AP4B1: variants seen among roughly 807,000 people sequenced by gnomAD.
The protein encoded by AP4B1 is adaptor related protein complex 4 subunit beta 1.
AP4B1 carries 49 observed loss-of-function variants against 76.5 expected under a neutral mutation model. The observed-to-expected ratio is 0.64, with a 90% CI of 0.51 to 0.81. The LOEUF (loss-of-function observed/expected upper bound fraction) is 0.81, where lower values mean the gene tolerates loss of function less well. Among genes scored for constraint, AP4B1 ranks in the 40% least tolerant of loss-of-function variants. AP4B1 has a pLI of 0.00. For synonymous variants in AP4B1, 330 were observed against 333.3 expected, an observed-to-expected ratio of 0.99 and a Z score of 0.11; for missense variants, 911 against 904.9, an observed-to-expected ratio of 1.01 and a Z score of -0.09.
Position 113,901,738 on chromosome 1 carries a change from G to T in AP4B1, c.469+17C>A. 1 of 1,614,072 alleles carries T rather than the reference G, an allele frequency of 6.2e-7. No individual in the cohort carries two copies. The highest frequency in any genetic ancestry group is 8.5e-7 in the Non-Finnish European group (1 of 1,179,998). The stretch of plus-strand genomic sequence containing the variant: ...TAATGGAGGCACATTGACCATGATG[G>T]ATTACACTGAACTTACCTACTTCAG... On this transcript the variant is annotated intron_variant, in intron 3 of 9. Transcript: ENST00000369569.
chr1:113,894,923 C>A lies in AP4B1; in HGVS notation c.*142G>T. The A allele has an allele frequency of 4.1e-6, 4 of 980,000 alleles. No individual in the cohort carries two copies. The South Asian group carries it at 5.2e-5, about 13-fold the overall frequency. 60.7% of individuals were successfully genotyped at this position (980,000 alleles called of 1,614,324 possible). A position where few individuals can be genotyped will look rare whatever the true frequency, so the allele number is the denominator to read the frequency against. On this transcript the variant is annotated 3_prime_UTR_variant, in exon 10 of 10. Coordinates refer to ENST00000369569, the MANE Select transcript of AP4B1 (RefSeq NM_001253852.3). ...AAGGAATGAATCAATGTTCTTTGGCCAAAAACTTAAGAATCCTGATTTCTA... is the reference window on the plus strand; with the variant it reads ...AAGGAATGAATCAATGTTCTTTGGCAAAAAACTTAAGAATCCTGATTTCTA...
chr1:113,896,041 G>A lies in AP4B1; in HGVS notation c.1511-3C>T, dbSNP rs1164034340. The A allele has an allele frequency of 6.2e-7, 1 of 1,614,168 alleles. No homozygotes were observed. ...TACAGCCATATCTTTTTCTTCCTCT[G>A]AGGTAAGACAACAGATTGACTTCAT... On this transcript the variant is annotated splice_polypyrimidine_tract_variant and splice_region_variant and intron_variant, in intron 8 of 9. Coordinates refer to ENST00000369569, the MANE Select transcript of AP4B1 (RefSeq NM_001253852.3).
intron 1 of AP4B1, 41 bp downstream of exon 1, chr1:113,904,564 G>A: frequency 6.3e-7 from 1 of 1,580,910 alleles, no homozygotes; most frequent in East Asian, 2.2e-5. Flanking sequence ...GATGGGGATT[G>A]CAAAGGGAGC....
chr1:113,904,331 T>G (rs976491758), intron 1 of AP4B1, among the ~76,000 whole-genome samples: 1 of 152,176 alleles, frequency 6.6e-6, no homozygotes, highest in African/African-American at 2.4e-5. Flanking sequence ...TACGTGGGTC[T>G]GAAGCTAAAA....
Position 113,894,940 on chromosome 1 carries a change from T to C in AP4B1, c.*125A>G. On this transcript the variant is annotated 3_prime_UTR_variant, in exon 10 of 10. Transcript: ENST00000369569. ...TCTTTGGCCAAAAACTTAAGAATCC[T>C]GATTTCTAGATTTTCCACTCTCCTT... 1 of 1,123,340 alleles carries C rather than the reference T, an allele frequency of 8.9e-7. No homozygotes were observed. The highest frequency in any genetic ancestry group is 1.2e-6 in the Non-Finnish European group (1 of 801,426). 69.6% of individuals were successfully genotyped at this position (1,123,340 alleles called of 1,614,324 possible).
chr1:113,896,533 A>G, intron 7 of AP4B1, 68 bp from the exon 8 acceptor site: 2 of 1,525,856 alleles, frequency 1.3e-6, no homozygotes, highest in Non-Finnish European at 1.8e-6. Flanking sequence ...GATAATAGAC[A>G]GCCACTGGTT....
chr1:113,898,300 G>A (rs1345612858), intron 6 of AP4B1, among the ~76,000 whole-genome samples: 2 of 152,098 alleles, frequency 1.3e-5, no homozygotes, highest in African/African-American at 4.8e-5. Flanking sequence ...AGGTGCCTAG[G>A]GTTCAAAATT....
At chr1:113,902,509 G>T in intron 2 of AP4B1, 129 bp downstream of exon 2, 1 of 929,788 alleles carries the variant, frequency 1.1e-6, no homozygotes, top group Non-Finnish European at 1.7e-6. Context: ...CTGAAAATCT[G>T]AGTTCAGGGT....
upstream of AP4B1, chr1:113,905,022 T>A (rs1293028079): frequency 2.4e-6 from 1 of 423,292 alleles, no homozygotes; most frequent in South Asian, 2.1e-5. Flanking sequence ...CAGCGCCGCG[T>A]CCGACTGACC....
At position 113,895,167 on chromosome 1, in the gene AP4B1, C is replaced by A. The variant is rs769502154; in HGVS notation, c.2118G>T (p.Met706Ile). Residue 706 changes from methionine to isoleucine, a missense_variant, in exon 10 of 10, where the codon ATG becomes ATT. By Grantham distance (10) the Met-to-Ile change is conservative (BLOSUM62 1). Transcript: ENST00000369569. ...ELLLEPGNSE[M>I]QISVKQNEAR... Reference sequence around the variant, plus strand: ...CTTCATTTTGTTTCACAGAGATCTGCATTTCTGAGTTTCCAGGCTCCAATA... The same window carrying A: ...CTTCATTTTGTTTCACAGAGATCTGAATTTCTGAGTTTCCAGGCTCCAATA... 1 of 1,614,226 alleles carries A rather than the reference C, an allele frequency of 6.2e-7. No individual in the cohort carries two copies. The highest frequency in any genetic ancestry group is 8.5e-7 in the Non-Finnish European group (1 of 1,180,048).
chr1:113,897,871 G>A lies in AP4B1; in HGVS notation c.1271C>T (p.Pro424Leu). 1.9e-6 allele frequency: 3 copies of A among 1,614,086 alleles called. No homozygotes were observed. The highest frequency in any genetic ancestry group is 2.5e-6 in the Non-Finnish European group (3 of 1,180,026). The change falls in exon 7 of 10, where the codon CCC becomes CTC. Residue 424 changes from proline to leucine, a missense_variant. Transcript: ENST00000369569. ...QCTEAVCQALPGCEENIQDSE... is the reference protein window; with the variant it reads ...QCTEAVCQALLGCEENIQDSE... ...ATCTTGAATGTTCTCTTCACAGCCG[G>A]GCAGGGCCTGACATACAGCTTCAGT... is the stretch of plus-strand genomic sequence containing the variant.
chr1:113,899,244 T>A (rs1281505559), intron 5 of AP4B1: 1 of 1,019,094 alleles, frequency 9.8e-7, no homozygotes, highest in African/African-American at 1.7e-5. Flanking sequence ...AATATGAGGG[T>A]TGCTCCTCCT....
At chr1:113,902,039 T>C in intron 2 of AP4B1, 154 bp from the exon 3 acceptor site, 1 of 1,033,860 alleles carries the variant, frequency 9.7e-7, no homozygotes, top group African/African-American at 1.6e-5. Context: ...AAGCCATAAT[T>C]TGACTTTTCT....
At position 113,904,728 on chromosome 1, in the gene AP4B1, G is replaced by C. The variant is rs1205279132; in HGVS notation, c.-11C>G. On this transcript the variant is annotated 5_prime_UTR_variant, in exon 1 of 10. Transcript: ENST00000369569. The stretch of plus-strand genomic sequence containing the variant: ...GCCAAGGTACGGCATCTTCCTAAGA[G>C]TCACAGGGCAGCTCCCACAGCTCCC... 1.9e-6 allele frequency: 3 copies of C among 1,610,576 alleles called. No homozygotes were observed. Among genetic ancestry groups the C allele is most frequent in the African/African-American group, 2.7e-5 (2 of 74,846 alleles).
rs1159590705 is a variant in AP4B1 at position 113,897,836 on chromosome 1, C to G, written c.1302+4G>C. 7 of 1,614,004 alleles carry G rather than the reference C, an allele frequency of 4.3e-6. No homozygotes were observed. Among genetic ancestry groups the G allele is most frequent in the Non-Finnish European group, 5.9e-6 (7 of 1,179,870 alleles). On this transcript the variant is annotated splice_donor_region_variant and intron_variant, in intron 7 of 9. Coordinates refer to ENST00000369569, the MANE Select transcript of AP4B1 (RefSeq NM_001253852.3). ...CCTAGAAGTAAAGGAGAATTACAGT[C>G]TACCTCACTATCTTGAATGTTCTCT...
intron 7 of AP4B1, 108 bp from the exon 8 acceptor site, chr1:113,896,573 G>T: frequency 1.0e-6 from 1 of 1,000,944 alleles, no homozygotes; most frequent in Non-Finnish European, 1.6e-6. Flanking sequence ...AGCAGAAAAG[G>T]TGTAATCTTT....
intron 1 of AP4B1, among the ~76,000 whole-genome samples, chr1:113,904,183 C>A (rs751837541): frequency 1.3e-5 from 2 of 152,194 alleles, no homozygotes; most frequent in African/African-American, 2.4e-5. Flanking sequence ...TTGGCTCCCA[C>A]GCATAGTCGG....
At position 113,902,639 on chromosome 1, in the gene AP4B1, T is replaced by A; in HGVS notation, c.337A>T (p.Arg113Trp). Residue 113 changes from arginine to tryptophan, a missense_variant and splice_region_variant, in exon 2 of 10, where the codon AGG becomes TGG. Coordinates refer to ENST00000369569, the MANE Select transcript of AP4B1 (RefSeq NM_001253852.3). ...GLALRSMCSL[R>W]MPGVQEYIQQ... The stretch of plus-strand genomic sequence containing the variant: ...CCAGACAGAGAAGAGGGTACTCACC[T>A]GAGGCTACACATGCTCCGTAACGCC... 6.2e-7 allele frequency: 1 copy of A among 1,612,724 alleles called. No homozygotes were observed. Among genetic ancestry groups the A allele is most frequent in the Non-Finnish European group, 8.5e-7 (1 of 1,179,958 alleles).
rs1288364046 is a variant in AP4B1 at position 113,894,695 on chromosome 1, TATA to T, written c.*367_*369del. On this transcript the variant is annotated 3_prime_UTR_variant, in exon 10 of 10. Transcript: ENST00000369569. The stretch of plus-strand genomic sequence containing the variant: ...AATATGAGAACAGTTAGGAATTTAC[TATA>T]ATAATCCAGGGAAGAAAAGATGACC... 4.1e-6 allele frequency: 1 copy of T among 246,614 alleles called. No homozygotes were observed. The highest frequency in any genetic ancestry group is 7.9e-6 in the Non-Finnish European group (1 of 126,034). The allele number at this position is 246,614 out of a possible 1,614,324, so 15.3% of individuals were successfully genotyped here. A position where few individuals can be genotyped will look rare whatever the true frequency, so the allele number is the denominator to read the frequency against.
Sources: allele counts gnomAD v4.1 joint callset (sites outside exome capture counted in the v4.1 genomes callset), GRCh38; gene constraint gnomAD v4.1.1; transcripts MANE v1.5; gene names NCBI Gene and HGNC (gene_info 2026-07-23, HGNC 2026-07-21).